Variants in CRLF3 observed in about 807,000 individuals in gnomAD.
CRLF3 encodes the protein cytokine receptor like factor 3, also known as cytokine receptor-like factor 3.
A neutral mutation model predicts 55.0 loss-of-function variants in CRLF3; 33 were observed. The observed-to-expected ratio is 0.60, with a 90% confidence interval of 0.46 to 0.80. CRLF3 has a LOEUF of 0.80. CRLF3 is among the 30% of genes least tolerant of loss of function. The pLI is 0.00. For missense variants in CRLF3, 494 were observed against 538.4 expected (o/e 0.92, Z 0.82); for synonymous variants, 238 against 196.8 (o/e 1.21, Z -1.75).
chr17:30,824,361 C>T (rs1905079276), intron 1 of CRLF3, among the ~76,000 whole-genome samples, 162 bp downstream of exon 1: 1 of 151,780 alleles, frequency 6.6e-6, no homozygotes, highest in Admixed American at 6.6e-5. Flanking sequence ...CCAACTCCCA[C>T]CTTCCCCGTT....
At chr17:30,798,876 C>T (rs867318048) in intron 2 of CRLF3, among the ~76,000 whole-genome samples, 2 of 151,808 alleles carry the variant, frequency 1.3e-5, no homozygotes, top group Middle Eastern at 6.8e-3. Flanking sequence ...CCTCAAAATT[C>T]CATAAGTAAG....
At chr17:30,785,099 T>C (rs1386352983) in intron 7 of CRLF3, 1 of 148,458 alleles carries the variant, frequency 6.7e-6, no homozygotes, top group African/African-American at 2.5e-5. Flanking sequence ...TTTTTTTTTT[T>C]TTTTTTTTTG....
At chr17:30,818,920 A>G (rs538949486) in intron 1 of CRLF3, among the ~76,000 whole-genome samples, 90 of 151,926 alleles carry the variant, frequency 5.9e-4, no homozygotes, top group African/African-American at 2.1e-3. Context: ...GGTATAAGCA[A>G]TTCTCCTGCC....
intron 2 of CRLF3, among the ~76,000 whole-genome samples, chr17:30,800,876 G>A (rs969261975): frequency 4.6e-5 from 7 of 150,566 alleles, no homozygotes; most frequent in East Asian, 2.0e-4. Flanking sequence ...CTGGGTTCAC[G>A]CCATTATCGT....
intron 5 of CRLF3, 48 bp downstream of exon 5, chr17:30,793,402 A>G (rs886965652): frequency 4.2e-6 from 6 of 1,429,238 alleles, no homozygotes; most frequent in Non-Finnish European, 5.9e-6. Context: ...GAATACAGGT[A>G]TTCTAATATA....
Position 30,824,642 on chromosome 17 carries a change from C to A in CRLF3, c.10G>T (p.Ala4Ser). 3 of 1,593,154 alleles carry A rather than the reference C, an allele frequency of 1.9e-6. No homozygotes were observed. The highest frequency in any genetic ancestry group is 3.4e-5 in the Admixed American group (2 of 59,226). Residue 4 changes from alanine to serine, a missense_variant, in exon 1 of 8, where the codon GCG becomes TCG. By Grantham distance (99) the Ala-to-Ser change is moderately conservative. Transcript: ENST00000324238. Reference sequence around the variant, plus strand: ...AGCAGCTCAGGCTCCAGCTCCATCGCCCCCCTCATCTGGCCGCGCGGCCGG... The same window carrying A: ...AGCAGCTCAGGCTCCAGCTCCATCGACCCCCTCATCTGGCCGCGCGGCCGG... MRGAMELEPELLLQ... is the reference protein window; with the variant it reads MRGSMELEPELLLQ...
intron 1 of CRLF3, among the ~76,000 whole-genome samples, chr17:30,823,075 T>C (rs1017741250): frequency 1.3e-5 from 2 of 151,518 alleles, no homozygotes; most frequent in Non-Finnish European, 2.9e-5. Flanking sequence ...TTTAAATATA[T>C]AAAACCCGGC....
intron 1 of CRLF3, among the ~76,000 whole-genome samples, chr17:30,819,020 T>A (rs1904904107): frequency 6.6e-6 from 1 of 151,800 alleles, no homozygotes; most frequent in South Asian, 2.1e-4. Context: ...AGTTTTGCCA[T>A]GTTGAAGGCT....
intron 6 of CRLF3, among the ~76,000 whole-genome samples, chr17:30,792,164 G>A (rs1010091880): frequency 6.6e-6 from 1 of 152,046 alleles, no homozygotes; most frequent in Non-Finnish European, 1.5e-5. Context: ...TGACTTTTGA[G>A]AGATACTCTA....
At chr17:30,789,777 AATT>A (rs1026974561) in intron 6 of CRLF3, among the ~76,000 whole-genome samples, 4 of 152,256 alleles carry the variant, frequency 2.6e-5, no homozygotes, top group Non-Finnish European at 4.4e-5. Flanking sequence ...TATTAACTGC[AATT>A]ATTATTATTA....
chr17:30,786,307 T>G (rs1008952336), intron 6 of CRLF3: 2 of 243,108 alleles, frequency 8.2e-6, no homozygotes, highest in African/African-American at 4.6e-5. Flanking sequence ...TGGTGCGACC[T>G]TGGCTCACTG....
chr17:30,821,079 G>A (rs1294260674), intron 1 of CRLF3, among the ~76,000 whole-genome samples: 3 of 149,222 alleles, frequency 2.0e-5, no homozygotes, highest in South Asian at 2.1e-4. Context: ...GGCTGGGTGC[G>A]GTGGCTCAAG....
chr17:30,819,108 A>T (rs1485654930), intron 1 of CRLF3, among the ~76,000 whole-genome samples: 1 of 152,034 alleles, frequency 6.6e-6, no homozygotes, highest in Non-Finnish European at 1.5e-5. Context: ...TGAGCCACTG[A>T]GCCCAGCCAC....
At chr17:30,800,708 C>A (rs768687702) in intron 2 of CRLF3, among the ~76,000 whole-genome samples, 5 of 151,540 alleles carry the variant, frequency 3.3e-5, no homozygotes, top group Non-Finnish European at 7.4e-5. Flanking sequence ...AATCATAGCT[C>A]AAGCTCTCCC....
At chr17:30,796,398 A>G (rs971539912) in intron 3 of CRLF3, 61 bp from the exon 4 acceptor site, 1 of 1,372,908 alleles carries the variant, frequency 7.3e-7, no homozygotes, top group East Asian at 2.4e-5. Context: ...AATACAAGAA[A>G]TATTTTAGAG....
At chr17:30,804,201 C>A in intron 1 of CRLF3, 93 bp from the exon 2 acceptor site, 1 of 795,324 alleles carries the variant, frequency 1.3e-6, no homozygotes, top group Admixed American at 2.6e-5. Context: ...CACTGTATAA[C>A]CATCTTCTTC....
intron 2 of CRLF3, among the ~76,000 whole-genome samples, chr17:30,800,497 G>A: frequency 6.6e-6 from 1 of 151,876 alleles, no homozygotes; most frequent in East Asian, 1.9e-4. Flanking sequence ...TCCAAAAGTA[G>A]GCTGATTTTT....
chr17:30,816,528 T>C (rs1904811930), intron 1 of CRLF3, among the ~76,000 whole-genome samples: 1 of 150,054 alleles, frequency 6.7e-6, no homozygotes, highest in African/African-American at 2.5e-5. Context: ...CTAGTTCTGT[T>C]GTCGAGGCTG....
At chr17:30,801,092 T>A (rs58208413) in intron 2 of CRLF3, 101,729 of 151,206 alleles carry the variant, frequency 0.67, 35,398 homozygotes, top group African/African-American at 0.83. Flanking sequence ...TATTTTTTTT[T>A]AAAAAAATTA....
Sources: allele counts gnomAD v4.1 joint callset (sites outside exome capture counted in the v4.1 genomes callset), GRCh38; gene constraint gnomAD v4.1.1; transcripts MANE v1.5; gene names NCBI Gene and HGNC (gene_info 2026-07-23, HGNC 2026-07-21).